The following EEFSEC variants were observed in gnomAD, a reference collection of about 807,000 sequenced individuals.
EEFSEC encodes the protein eukaryotic elongation factor, selenocysteine-tRNA specific, also known as selenocysteine-specific elongation factor.
In EEFSEC, 43 loss-of-function variants were observed where a neutral mutation model predicts 42.1. The observed-to-expected ratio is 1.02, with a 90% CI of 0.80 to 1.32. EEFSEC has a LOEUF of 1.32. Ranked by LOEUF, EEFSEC falls within the 40% of genes most tolerant of loss-of-function variation. The pLI is 0.00. For synonymous variants in EEFSEC, 354 were observed against 339.1 expected, an observed-to-expected ratio of 1.04 and a Z score of -0.48; for missense variants, 745 against 803.6, an observed-to-expected ratio of 0.93 and a Z score of 0.88.
chr3:128,180,063 G>A (rs1000132787), intron 1 of EEFSEC, among the ~76,000 whole-genome samples: 4 of 151,778 alleles, frequency 2.6e-5, no homozygotes, highest in Non-Finnish European at 5.9e-5. Context: ...ATTATGCTTA[G>A]CATAGAGGAG....
At chr3:128,332,799 G>C (rs891878473) in intron 4 of EEFSEC, among the ~76,000 whole-genome samples, 14 of 152,196 alleles carry the variant, frequency 9.2e-5, no homozygotes, top group African/African-American at 3.1e-4. Flanking sequence ...ACAGCCCTAG[G>C]TTTGACTTGT....
intron 1 of EEFSEC, among the ~76,000 whole-genome samples, chr3:128,187,755 G>C (rs1242338555): frequency 6.6e-6 from 1 of 152,170 alleles, no homozygotes; most frequent in Non-Finnish European, 1.5e-5. Flanking sequence ...TACACCAGAG[G>C]GTTTCAGAGG....
At chr3:128,237,844 T>C (rs1436905929) in intron 1 of EEFSEC, among the ~76,000 whole-genome samples, 1 of 152,178 alleles carries the variant, frequency 6.6e-6, no homozygotes, top group Non-Finnish European at 1.5e-5. Context: ...AATGTCTCCT[T>C]TGGCTCCCTC....
intron 6 of EEFSEC, among the ~76,000 whole-genome samples, chr3:128,366,291 T>A (rs1317429768): frequency 6.6e-6 from 1 of 152,168 alleles, no homozygotes; most frequent in Non-Finnish European, 1.5e-5. Flanking sequence ...TTGGCCTGGG[T>A]GACTTGTAGC....
chr3:128,180,897 C>A (rs1466973468), intron 1 of EEFSEC, among the ~76,000 whole-genome samples: 1 of 152,306 alleles, frequency 6.6e-6, no homozygotes, highest in African/African-American at 2.4e-5. Flanking sequence ...GTCCTGAAGG[C>A]CTTTATTTCT....
At chr3:128,222,297 G>A (rs964964211) in intron 1 of EEFSEC, among the ~76,000 whole-genome samples, 1 of 151,954 alleles carries the variant, frequency 6.6e-6, no homozygotes, top group Admixed American at 6.5e-5. Flanking sequence ...CTTCCCAAAG[G>A]GCTGGGATTA....
At chr3:128,220,906 G>A (rs1277828949) in intron 1 of EEFSEC, among the ~76,000 whole-genome samples, 1 of 152,242 alleles carries the variant, frequency 6.6e-6, no homozygotes, top group Non-Finnish European at 1.5e-5. Context: ...CAGTGCCAGG[G>A]TTCAAGTCCA....
chr3:128,415,055 C>T, the EEFSEC span, among the ~76,000 whole-genome samples: 1 of 152,078 alleles, frequency 6.6e-6, no homozygotes, highest in Admixed American at 6.5e-5. Flanking sequence ...ATGGGGTGGG[C>T]AAGACACCTT....
chr3:128,181,632 C>A, intron 1 of EEFSEC, among the ~76,000 whole-genome samples: 1 of 152,198 alleles, frequency 6.6e-6, no homozygotes, highest in South Asian at 2.1e-4. Context: ...TCACTGCTCC[C>A]CCAGTATGTC....
chr3:128,283,832 A>G (rs1194144590), intron 4 of EEFSEC, among the ~76,000 whole-genome samples: 1 of 152,214 alleles, frequency 6.6e-6, no homozygotes, highest in Non-Finnish European at 1.5e-5. Flanking sequence ...CAACAAAGGC[A>G]TCCACACTGG....
At chr3:128,163,868 T>C (rs948425755) in intron 1 of EEFSEC, among the ~76,000 whole-genome samples, 5 of 151,544 alleles carry the variant, frequency 3.3e-5, no homozygotes, top group African/African-American at 1.2e-4. Flanking sequence ...CTCCTGAAGT[T>C]AAGCAGTCCT....
chr3:128,265,344 GAGA>G (rs1042678983), intron 4 of EEFSEC, among the ~76,000 whole-genome samples: 13 of 152,178 alleles, frequency 8.5e-5, no homozygotes, highest in South Asian at 2.1e-4. Context: ...GAAGACCTGT[GAGA>G]AGGATGAGTG....
chr3:128,400,619 C>T (rs893580177), intron 6 of EEFSEC, among the ~76,000 whole-genome samples: 2 of 152,244 alleles, frequency 1.3e-5, no homozygotes, highest in Admixed American at 1.3e-4. Flanking sequence ...ACAAAGGGGC[C>T]AGTGACCCCA....
intron 1 of EEFSEC, among the ~76,000 whole-genome samples, chr3:128,162,227 A>G (rs1260869861): frequency 6.6e-6 from 1 of 152,010 alleles, no homozygotes; most frequent in Non-Finnish European, 1.5e-5. Context: ...TCTCTTCTTC[A>G]CTGAAAGGTA....
the EEFSEC span, among the ~76,000 whole-genome samples, chr3:128,416,633 G>A: frequency 6.6e-6 from 1 of 152,178 alleles, no homozygotes; most frequent in African/African-American, 2.4e-5. Flanking sequence ...ACAGGTGGGT[G>A]TGTCCTTGTG....
intron 5 of EEFSEC, among the ~76,000 whole-genome samples, chr3:128,343,296 C>T (rs1044628559): frequency 1.3e-5 from 2 of 152,172 alleles, no homozygotes; most frequent in African/African-American, 4.8e-5. Flanking sequence ...TCACTGCAGC[C>T]CCTTCCCCTC....
intron 4 of EEFSEC, among the ~76,000 whole-genome samples, chr3:128,329,498 G>A (rs1231340535): frequency 6.6e-6 from 1 of 151,306 alleles, no homozygotes; most frequent in Non-Finnish European, 1.5e-5. Flanking sequence ...CGGAGATAAA[G>A]TGGGGGTCAA....
chr3:128,279,221 G>A (rs538030472), intron 4 of EEFSEC, among the ~76,000 whole-genome samples: 1 of 152,334 alleles, frequency 6.6e-6, no homozygotes, highest in East Asian at 1.9e-4. Context: ...GTGCAGACAG[G>A]CAGGAAGGCA....
At chr3:128,249,746 T>C (rs917534483) in intron 2 of EEFSEC, among the ~76,000 whole-genome samples, 6 of 152,242 alleles carry the variant, frequency 3.9e-5, no homozygotes, top group Non-Finnish European at 8.8e-5. Flanking sequence ...TCCATCCTTA[T>C]TGTAACATGT....
Sources: allele counts gnomAD v4.1 joint callset (sites outside exome capture counted in the v4.1 genomes callset), GRCh38; gene constraint gnomAD v4.1.1; transcripts MANE v1.5; gene names NCBI Gene and HGNC (gene_info 2026-07-23, HGNC 2026-07-21).